NAV2: variants seen among roughly 807,000 people sequenced by gnomAD.
The protein encoded by NAV2 is neuron navigator 2, also known as helicase, APC down-regulated 1.
A neutral mutation model predicts 223.2 loss-of-function variants in NAV2; 54 were observed. The observed-to-expected ratio is 0.24, with a 90% CI of 0.19 to 0.30. The LOEUF (loss-of-function observed/expected upper bound fraction) is 0.30, where lower values mean the gene tolerates loss of function less well. Among genes scored for constraint, NAV2 ranks in the 10% least tolerant of loss-of-function variants. The pLI, the probability that NAV2 is intolerant of heterozygous loss-of-function variation, is 1.00. For missense variants in NAV2, 2,806 were observed against 3,147.5 expected (o/e 0.89, Z 2.60); for synonymous variants, 1,279 against 1,239.3 (o/e 1.03, Z -0.67).
chr11:19,773,338 G>A (rs2055870515), intron 1 of NAV2, among the ~76,000 whole-genome samples: 1 of 152,160 alleles, frequency 6.6e-6, no homozygotes, highest in East Asian at 1.9e-4. Flanking sequence ...ACTCTGAGGG[G>A]TCAGCCCCAC....
At position 20,045,190 on chromosome 11, in the gene NAV2, C is replaced by T. The variant is rs1189976538; in HGVS notation, c.3422C>T (p.Thr1141Ile). The T allele has an allele frequency of 6.2e-7, 1 of 1,614,052 alleles. No homozygotes were observed. Among genetic ancestry groups the T allele is most frequent in the Non-Finnish European group, 8.5e-7 (1 of 1,180,024 alleles). The change falls in exon 14 of 38, where the codon ACT becomes ATT. Residue 1141 changes from threonine (T) to isoleucine (I), a missense_variant. Coordinates refer to ENST00000349880, the MANE Select transcript of NAV2 (RefSeq NM_145117.5). ...GCCATGATCACAGCCAGCGGGGTGA[C>T]TGTCACCAGCAGGTCAGCCACACTG... Reference protein sequence around the residue: ...GLAMITASGVTVTSRSATLGK... With the variant: ...GLAMITASGVIVTSRSATLGK...
At chr11:19,840,135 T>C (rs1354929472) in intron 2 of NAV2, among the ~76,000 whole-genome samples, 1 of 152,234 alleles carries the variant, frequency 6.6e-6, no homozygotes, top group Non-Finnish European at 1.5e-5. Context: ...GGCCCAAAAC[T>C]CATTTTGTAA....
intron 1 of NAV2, chr11:19,503,053 T>A (rs1485154704): frequency 1.3e-5 from 2 of 152,224 alleles, no homozygotes; most frequent in Non-Finnish European, 2.9e-5. Flanking sequence ...GGTCTTATGA[T>A]CATGATGTGT....
chr11:19,409,435 G>A (rs1254840731), intron 1 of NAV2, among the ~76,000 whole-genome samples: 1 of 152,128 alleles, frequency 6.6e-6, no homozygotes, highest in African/African-American at 2.4e-5. Flanking sequence ...TTGGGTGGTG[G>A]GTGGAGTCCT....
In NAV2 at chr11:20,101,006, A is replaced by G. The variant is rs1243238198; in HGVS notation, c.6251A>G (p.Tyr2084Cys). The change falls in exon 32 of 38, where the codon TAC (tyrosine) becomes TGC (cysteine). Residue 2084 changes from tyrosine to cysteine, a missense_variant. Tyr to Cys is a radical substitution (Grantham distance 194). Around this residue, in one of 4 missense-constraint regions of NAV2, gnomAD observed 824 missense variants for 1,069.4 expected, o/e 0.77. Coordinates refer to ENST00000349880, the MANE Select transcript of NAV2 (RefSeq NM_145117.5). ...ATTCCCAAGCCCATCCTGCAGCGCT[A>G]CGTCTCCCTCCTGATAGAGCACCGT... is the stretch of plus-strand genomic sequence containing the variant. ...SLIPKPILQRYVSLLIEHRRI... is the reference protein window; with the variant it reads ...SLIPKPILQRCVSLLIEHRRI... 1 of 1,614,112 alleles carries G rather than the reference A, an allele frequency of 6.2e-7. No homozygotes were observed. Among genetic ancestry groups the G allele is most frequent in the Non-Finnish European group, 8.5e-7 (1 of 1,180,018 alleles).
intron 11 of NAV2, among the ~76,000 whole-genome samples, chr11:20,033,937 A>G (rs916051385): frequency 6.6e-6 from 1 of 152,224 alleles, no homozygotes; most frequent in East Asian, 1.9e-4. Flanking sequence ...ACTGAGTGGT[A>G]GAATAATGAG....
At chr11:19,747,216 C>A (rs2053444403) in intron 1 of NAV2, among the ~76,000 whole-genome samples, 1 of 151,932 alleles carries the variant, frequency 6.6e-6, no homozygotes, top group African/African-American at 2.4e-5. Flanking sequence ...CTATAAAGGA[C>A]ACGAACTCAT....
chr11:19,777,921 T>G (rs1311438030), intron 1 of NAV2: 1 of 455,642 alleles, frequency 2.2e-6, no homozygotes, highest in African/African-American at 2.0e-5. Context: ...TACTTTGGGG[T>G]GCACATGGCT....
chr11:19,913,848 C>T (rs1041517976), intron 6 of NAV2, among the ~76,000 whole-genome samples: 1 of 152,144 alleles, frequency 6.6e-6, no homozygotes, highest in Admixed American at 6.5e-5. Flanking sequence ...CTGTGCCTAC[C>T]TTAGTCTCCT....
chr11:19,832,731 G>C (rs1278502509), intron 2 of NAV2, 130 bp downstream of exon 2: 1 of 753,584 alleles, frequency 1.3e-6, no homozygotes. Context: ...CAATTTATTT[G>C]ATTTGTGTTT....
At chr11:19,515,482 T>C (rs1408001026) in intron 1 of NAV2, among the ~76,000 whole-genome samples, 1 of 152,204 alleles carries the variant, frequency 6.6e-6, no homozygotes, top group African/African-American at 2.4e-5. Flanking sequence ...TTTTTAAGTG[T>C]AAAAAGAAAT....
Position 19,565,490 on chromosome 11 carries a change from C to T in NAV2, c.75+214463C>T, listed in dbSNP as rs1281118895. On this transcript the variant is annotated intron_variant, in intron 1 of 37. Coordinates refer to the NAV2 transcript ENST00000360655. ...CTTGTAATTAGCAGTCTTGAAAACA[C>T]CAGTTCTTTGCTAGGCTCTGCTCCC... Among the ~76,000 whole-genome samples, 3 of 152,132 alleles carry T rather than the reference C, an allele frequency of 2.0e-5. No homozygotes were observed. The East Asian group carries it at 5.8e-4, about 29-fold the overall frequency.
chr11:20,035,872 G>T, intron 11 of NAV2, 87 bp from the exon 12 acceptor site: 1 of 1,508,694 alleles, frequency 6.6e-7, no homozygotes, highest in Non-Finnish European at 9.1e-7. Context: ...GGATCTTTTC[G>T]GGGATGGTGT....
chr11:20,043,760 C>G (rs2057174731), intron 12 of NAV2: 1 of 507,422 alleles, frequency 2.0e-6, no homozygotes, highest in East Asian at 3.3e-5. Flanking sequence ...CCATTCCATT[C>G]CAGGGATACA....
chr11:20,010,223 T>C (rs1237391590), intron 11 of NAV2, among the ~76,000 whole-genome samples: 1 of 152,084 alleles, frequency 6.6e-6, no homozygotes, highest in Admixed American at 6.6e-5. Flanking sequence ...CCCCTAATTG[T>C]GAAGATGTCT....
intron 31 of NAV2, 140 bp downstream of exon 31, chr11:20,097,885 T>C (rs2061385133): frequency 1.4e-6 from 1 of 700,680 alleles, no homozygotes; most frequent in African/African-American, 1.8e-5. Context: ...ACAGTTACTC[T>C]ATGCAAGTTG....
intron 37 of NAV2, among the ~76,000 whole-genome samples, chr11:20,117,544 T>C (rs1420248885): frequency 6.6e-6 from 1 of 152,140 alleles, no homozygotes; most frequent in African/African-American, 2.4e-5. Context: ...TGCTTGTAAC[T>C]GGTGCTCCCC....
At chr11:19,615,274 A>G (rs1319854793) in intron 1 of NAV2, among the ~76,000 whole-genome samples, 4 of 151,916 alleles carry the variant, frequency 2.6e-5, no homozygotes, top group Non-Finnish European at 4.4e-5. Context: ...AAATGGATTT[A>G]TGTTCATATT....
At chr11:20,085,344 G>T (rs780174752) in intron 26 of NAV2, among the ~76,000 whole-genome samples, 1 of 152,148 alleles carries the variant, frequency 6.6e-6, no homozygotes, top group African/African-American at 2.4e-5. Context: ...ACAACACAAA[G>T]TTCCTACTCA....
Sources: allele counts gnomAD v4.1 joint callset (sites outside exome capture counted in the v4.1 genomes callset), GRCh38; gene constraint gnomAD v4.1.1; regional missense constraint gnomAD v4.1.1; transcripts MANE v1.5; gene names NCBI Gene and HGNC (gene_info 2026-07-23, HGNC 2026-07-21).